Variants in DOK5 observed in about 807,000 individuals in gnomAD.
DOK5 encodes the protein downstream of tyrosine kinase 5.
A neutral mutation model predicts 43.3 loss-of-function variants in DOK5; 27 were observed. The ratio of observed to expected loss-of-function variants is 0.62; its 90% confidence interval spans 0.46 to 0.86. DOK5 has a LOEUF of 0.86. DOK5 is among the 40% of genes least tolerant of loss of function. The probability of loss-of-function intolerance (pLI) is 0.00; values close to 1 mark genes in which losing one functional copy is unlikely to be tolerated. For missense variants in DOK5, 373 were observed against 392.9 expected, an observed-to-expected ratio of 0.95 and a Z score of 0.43; for synonymous variants, 146 against 140.1, an observed-to-expected ratio of 1.04 and a Z score of -0.30.
At chr20:54,640,940 C>T (rs1039774175) in intron 6 of DOK5, among the ~76,000 whole-genome samples, 1 of 152,102 alleles carries the variant, frequency 6.6e-6, no homozygotes, top group Non-Finnish European at 1.5e-5. Flanking sequence ...TTTAGACTTT[C>T]ATGTATACAG....
At chr20:54,611,840 A>T (rs578224771) in intron 6 of DOK5, among the ~76,000 whole-genome samples, 1 of 152,306 alleles carries the variant, frequency 6.6e-6, no homozygotes, top group South Asian at 2.1e-4. Flanking sequence ...CAGTAATGTG[A>T]TCTGTTCCAA....
intron 6 of DOK5, among the ~76,000 whole-genome samples, chr20:54,638,341 A>G (rs897992080): frequency 6.6e-6 from 1 of 152,080 alleles, no homozygotes; most frequent in African/African-American, 2.4e-5. Flanking sequence ...CCACATAAGT[A>G]ATGGGGAGAA....
chr20:54,612,560 A>G (rs929759220), intron 6 of DOK5, among the ~76,000 whole-genome samples: 8 of 151,618 alleles, frequency 5.3e-5, no homozygotes, highest in Admixed American at 1.3e-4. Flanking sequence ...AATCTGATGG[A>G]GGCCAGAATA....
At chr20:54,583,765 T>C (rs1985710850) in intron 2 of DOK5, among the ~76,000 whole-genome samples, 1 of 152,150 alleles carries the variant, frequency 6.6e-6, no homozygotes, top group South Asian at 2.1e-4. Context: ...TCTCAGCCTA[T>C]GTGTGTCCTT....
chr20:54,637,918 C>T (rs1019257700), intron 6 of DOK5, among the ~76,000 whole-genome samples: 2 of 152,116 alleles, frequency 1.3e-5, no homozygotes, highest in Non-Finnish European at 2.9e-5. Flanking sequence ...GTCAGGAGAT[C>T]AAGACCATCG....
chr20:54,497,990 C>A (rs138257638), intron 1 of DOK5, among the ~76,000 whole-genome samples: 2 of 152,164 alleles, frequency 1.3e-5, no homozygotes, highest in Non-Finnish European at 2.9e-5. Context: ...TTTTGAAAAT[C>A]CCTTCTCTAT....
chr20:54,503,688 G>T (rs148427761), intron 1 of DOK5, among the ~76,000 whole-genome samples: 36 of 152,288 alleles, frequency 2.4e-4, no homozygotes, highest in African/African-American at 8.4e-4. Context: ...CTTCAGAGAA[G>T]AAGAACCACA....
chr20:54,568,926 T>C (rs900128009), intron 2 of DOK5, among the ~76,000 whole-genome samples: 5 of 144,054 alleles, frequency 3.5e-5, no homozygotes, highest in South Asian at 2.2e-4. Context: ...AGCAAGACTC[T>C]ATCTCAAAAT....
intron 1 of DOK5, among the ~76,000 whole-genome samples, chr20:54,506,334 A>G (rs1380103378): frequency 6.6e-6 from 1 of 152,190 alleles, no homozygotes; most frequent in East Asian, 1.9e-4. Flanking sequence ...CCCCTTAGAC[A>G]TCGGGGTGGG....
chr20:54,553,219 G>A lies in DOK5; in HGVS notation c.67-1714G>A, dbSNP rs190502024. Among the ~76,000 whole-genome samples, 213 of 152,088 alleles carry A rather than the reference G, an allele frequency of 1.4e-3. 1 individual carries two copies. Among genetic ancestry groups the A allele is most frequent in the East Asian group, 7.6e-3 (39 of 5,122 alleles). The stretch of plus-strand genomic sequence containing the variant: ...TTTCTATTCTTTTTCTTTTTGAGAC[G>A]GAGTCTCGCTCTGTCGCCCAGGCTG... On this transcript the variant is annotated intron_variant, in intron 1 of 7. Coordinates refer to ENST00000262593, the MANE Select transcript of DOK5 (RefSeq NM_018431.5).
chr20:54,627,221 G>A (rs540056533), intron 6 of DOK5, among the ~76,000 whole-genome samples: 21 of 152,224 alleles, frequency 1.4e-4, no homozygotes, highest in African/African-American at 4.8e-4. Flanking sequence ...AACCAATACC[G>A]CAACAATTAT....
chr20:54,529,476 C>T (rs943306279), intron 1 of DOK5, among the ~76,000 whole-genome samples: 1 of 151,924 alleles, frequency 6.6e-6, no homozygotes, highest in African/African-American at 2.4e-5. Flanking sequence ...GTTGGCATAG[C>T]ATGTGCCAGG....
At chr20:54,566,072 C>G (rs549552814) in intron 2 of DOK5, among the ~76,000 whole-genome samples, 7 of 150,048 alleles carry the variant, frequency 4.7e-5, no homozygotes, top group Non-Finnish European at 1.5e-5. Context: ...TTTTGTGTTG[C>G]CCTTTCATAA....
In DOK5 at chr20:54,550,972, C is replaced by A. The variant is rs1600696522; in HGVS notation, c.67-3961C>A. On this transcript the variant is annotated intron_variant, in intron 1 of 7. Transcript: ENST00000262593. ...GCTGGTTTCATTTTTTAAGAAACTA[C>A]CACTGTTTTTCAGAGTGGCTGTACC... Among the ~76,000 whole-genome samples the A allele has an allele frequency of 2.6e-5, 4 of 152,050 alleles. 1 individual carries two copies. In the East Asian group the frequency reaches 7.7e-4, roughly 29 times the overall value.
intron 1 of DOK5, among the ~76,000 whole-genome samples, chr20:54,507,190 A>T (rs931421143): frequency 6.6e-6 from 1 of 152,204 alleles, no homozygotes; most frequent in African/African-American, 2.4e-5. Context: ...GCCTTTAAGG[A>T]GATCAAGGGG....
intron 1 of DOK5, among the ~76,000 whole-genome samples, chr20:54,545,469 T>A (rs1568776494): frequency 6.6e-6 from 1 of 152,110 alleles, no homozygotes; most frequent in Non-Finnish European, 1.5e-5. Flanking sequence ...CCCCAGATAG[T>A]GGACTGTCCA....
chr20:54,602,297 G>A (rs779967745), intron 5 of DOK5, among the ~76,000 whole-genome samples: 1 of 152,124 alleles, frequency 6.6e-6, no homozygotes, highest in Admixed American at 6.5e-5. Flanking sequence ...TGGAGACTTC[G>A]AGAAGTCAAG....
chr20:54,589,069 A>G (rs1270938422), intron 4 of DOK5, among the ~76,000 whole-genome samples: 5 of 152,214 alleles, frequency 3.3e-5, no homozygotes. Context: ...AGTTTGGTGG[A>G]AGATGCTTAA....
chr20:54,484,436 G>C (rs896093294), intron 1 of DOK5, among the ~76,000 whole-genome samples: 8 of 151,768 alleles, frequency 5.3e-5, no homozygotes, highest in Admixed American at 5.2e-4. Context: ...TTTATTTTTA[G>C]ATAATTGTTA....
Sources: gnomAD v4.1 joint callset for allele counts (sites outside exome capture counted in the v4.1 genomes callset) on GRCh38, gnomAD v4.1.1 for gene constraint, MANE v1.5 for transcripts, NCBI Gene and HGNC (gene_info 2026-07-23, HGNC 2026-07-21) for gene names.